The following GSG1L variants were observed in gnomAD, a reference collection of about 807,000 sequenced individuals.
GSG1L encodes germ cell-specific gene 1-like protein.
GSG1L carries 24 observed loss-of-function variants against 42.1 expected under a neutral mutation model. The observed-to-expected ratio is 0.57, with a 90% CI of 0.41 to 0.80. The LOEUF is 0.80. Ranked by LOEUF, GSG1L falls within the 30% of genes least tolerant of loss-of-function variation. The pLI is 0.00. For synonymous variants in GSG1L, 215 were observed against 203.5 expected (o/e 1.06, Z -0.48); for missense variants, 445 against 472.2 (o/e 0.94, Z 0.53).
chr16:27,803,411 C>G (rs2082906354), intron 6 of GSG1L, among the ~76,000 whole-genome samples: 1 of 152,078 alleles, frequency 6.6e-6, no homozygotes, highest in Admixed American at 6.5e-5. Flanking sequence ...GCACTGGTGC[C>G]CCCAGCCCCC....
intron 1 of GSG1L, among the ~76,000 whole-genome samples, chr16:28,009,373 C>A (rs78276515): frequency 0.039 from 5,908 of 152,146 alleles, 347 homozygotes; most frequent in African/African-American, 0.13. Flanking sequence ...CCCTGCCCCC[C>A]CTGCATGCCC....
intron 2 of GSG1L, among the ~76,000 whole-genome samples, chr16:27,924,426 A>G (rs1567520692): frequency 6.6e-6 from 1 of 152,196 alleles, no homozygotes; most frequent in African/African-American, 2.4e-5. Flanking sequence ...TTTTCTTTTG[A>G]TCTTTTTAAA....
chr16:27,859,959 G>T (rs2083624070), intron 3 of GSG1L, among the ~76,000 whole-genome samples: 1 of 152,120 alleles, frequency 6.6e-6, no homozygotes, highest in African/African-American at 2.4e-5. Flanking sequence ...TGGTATTACA[G>T]ACGTGAGCTG....
chr16:27,876,174 A>T (rs1030782561), intron 3 of GSG1L, among the ~76,000 whole-genome samples: 1 of 152,184 alleles, frequency 6.6e-6, no homozygotes, highest in African/African-American at 2.4e-5. Flanking sequence ...GCAAGAAACC[A>T]AGTCTGCCAG....
chr16:28,041,855 C>T (rs568791938), intron 1 of GSG1L, among the ~76,000 whole-genome samples: 1 of 152,348 alleles, frequency 6.6e-6, no homozygotes, highest in South Asian at 2.1e-4. Flanking sequence ...CTCGTGCCCT[C>T]GCTGGGCATC....
chr16:28,033,673 A>G (rs1040735704), intron 1 of GSG1L, among the ~76,000 whole-genome samples: 10 of 152,166 alleles, frequency 6.6e-5, no homozygotes, highest in African/African-American at 2.4e-4. Flanking sequence ...ATTGTGTATT[A>G]AACTGTAAGG....
intron 3 of GSG1L, chr16:27,850,346 C>G: frequency 2.8e-6 from 1 of 359,198 alleles, no homozygotes; most frequent in South Asian, 2.1e-5. Flanking sequence ...TATTTTATAT[C>G]TAAGCTGGGA....
intron 1 of GSG1L, among the ~76,000 whole-genome samples, chr16:28,053,671 T>C (rs2086244869): frequency 6.6e-6 from 1 of 151,752 alleles, no homozygotes; most frequent in Non-Finnish European, 1.5e-5. Context: ...CTCGCTCGCC[T>C]CTCTCCTCTC....
intron 2 of GSG1L, among the ~76,000 whole-genome samples, chr16:27,926,519 A>C (rs968650701): frequency 5.9e-5 from 9 of 151,430 alleles, no homozygotes; most frequent in East Asian, 1.9e-4. Context: ...AAAAAAAAAA[A>C]CAAAAAAACA....
At chr16:28,000,231 G>A (rs1172190980) in intron 1 of GSG1L, among the ~76,000 whole-genome samples, 1 of 152,236 alleles carries the variant, frequency 6.6e-6, no homozygotes, top group Non-Finnish European at 1.5e-5. Context: ...ACTTTGGGAG[G>A]CCAAGGTGGG....
At chr16:27,925,515 G>C (rs2084581734) in intron 2 of GSG1L, among the ~76,000 whole-genome samples, 1 of 152,212 alleles carries the variant, frequency 6.6e-6, no homozygotes, top group Non-Finnish European at 1.5e-5. Flanking sequence ...GAAGATTTCA[G>C]AGAAGAAAAT....
At chr16:28,001,316 G>A (rs2085575984) in intron 1 of GSG1L, among the ~76,000 whole-genome samples, 2 of 152,156 alleles carry the variant, frequency 1.3e-5, no homozygotes, top group African/African-American at 4.8e-5. Flanking sequence ...CAACCCCAGG[G>A]CTGCTCCCAC....
In GSG1L at chr16:27,932,073, G is replaced by T. The variant is rs552178720; in HGVS notation, c.397+31083C>A. Among the ~76,000 whole-genome samples the T allele has an allele frequency of 2.0e-5, 3 of 152,248 alleles. No individual in the cohort carries two copies. In the East Asian group the frequency reaches 5.8e-4, roughly 29 times the overall value. On this transcript the variant is annotated intron_variant, in intron 2 of 6. Coordinates refer to ENST00000447459, the MANE Select transcript of GSG1L (RefSeq NM_001109763.2). ...TACCTGAGACTGGGTAATTTATGAA[G>T]AAAGAGTCTTGTTCTGTCACCCAGG... is the stretch of plus-strand genomic sequence containing the variant.
intron 2 of GSG1L, among the ~76,000 whole-genome samples, chr16:27,930,842 A>G (rs553796728): frequency 3.3e-5 from 5 of 152,140 alleles, no homozygotes; most frequent in Non-Finnish European, 7.4e-5. Context: ...CTCCCACCTC[A>G]GCCTCCCTAG....
chr16:27,809,114 T>C (rs896925400), intron 5 of GSG1L, among the ~76,000 whole-genome samples: 2 of 152,172 alleles, frequency 1.3e-5, no homozygotes, highest in Non-Finnish European at 2.9e-5. Context: ...AACTCCAGGC[T>C]AGGCATGGTG....
At chr16:27,881,311 G>T in intron 3 of GSG1L, among the ~76,000 whole-genome samples, 1 of 145,562 alleles carries the variant, frequency 6.9e-6, no homozygotes, top group African/African-American at 2.6e-5. Flanking sequence ...GTGCGATCTC[G>T]GTTCACTGCA....
chr16:27,957,119 C>T (rs371017947), intron 2 of GSG1L, among the ~76,000 whole-genome samples: 7 of 152,222 alleles, frequency 4.6e-5, no homozygotes, highest in Admixed American at 2.0e-4. Context: ...TAGGCCAAGG[C>T]GGTTGGATCA....
rs536576906 is a variant in GSG1L, at chr16:27,932,606, C to G, written c.397+30550G>C. ...TGGTGTTAAACCATTCATGAGAAAT[C>G]CACCCCCATGATCCAGTCATCTGCA... On this transcript the variant is annotated intron_variant, in intron 2 of 6. Transcript: ENST00000447459. Among the ~76,000 whole-genome samples the G allele has an allele frequency of 2.0e-5, 3 of 152,258 alleles. No homozygotes were observed. In the South Asian group the frequency reaches 6.2e-4, roughly 32 times the overall value.
At chr16:27,962,863 C>A (rs2085085737) in intron 2 of GSG1L, among the ~76,000 whole-genome samples, 1 of 152,152 alleles carries the variant, frequency 6.6e-6, no homozygotes, top group African/African-American at 2.4e-5. Flanking sequence ...ACGTCCACAC[C>A]CCCATCATCC....
Sources: allele counts gnomAD v4.1 joint callset (sites outside exome capture counted in the v4.1 genomes callset), GRCh38; gene constraint gnomAD v4.1.1; transcripts MANE v1.5; gene names NCBI Gene and HGNC (gene_info 2026-07-23, HGNC 2026-07-21).